The following SNTG1 variants were observed in gnomAD, a reference collection of about 807,000 sequenced individuals.
The protein encoded by SNTG1 is syntrophin gamma 1, also known as gamma-1-syntrophin.
A neutral mutation model predicts 74.7 loss-of-function variants in SNTG1; 39 were observed. That is an observed-to-expected ratio of 0.52 (90% CI 0.40 to 0.68). SNTG1 has a LOEUF of 0.68. Among genes scored for constraint, SNTG1 ranks in the 30% least tolerant of loss-of-function variants. The probability of loss-of-function intolerance (pLI) is 0.00; values close to 1 mark genes in which losing one functional copy is unlikely to be tolerated. For missense variants in SNTG1, 685 were observed against 609.5 expected (o/e 1.12, Z -1.30); for synonymous variants, 254 against 217.1 (o/e 1.17, Z -1.49).
At position 50,193,288 on chromosome 8, in the gene SNTG1, A is replaced by T. The variant is rs573328925; in HGVS notation, c.-28+20653A>T. On this transcript the variant is annotated intron_variant, in intron 2 of 18. Transcript: ENST00000642720. ...GTTTCTACCTATCCATGAGCATGGG[A>T]TGTGTTTCCATTTGTTTGTGTCATC... 3.9e-5 allele frequency among the ~76,000 whole-genome samples: 6 copies of T among 152,200 alleles called. No homozygotes were observed. The East Asian group carries it at 1.2e-3, about 29-fold the overall frequency.
At chr8:50,291,567 T>G (rs1381239999) in intron 2 of SNTG1, among the ~76,000 whole-genome samples, 1 of 152,094 alleles carries the variant, frequency 6.6e-6, no homozygotes, top group African/African-American at 2.4e-5. Flanking sequence ...CAGGGCTAGA[T>G]CGAGGAAGAC....
intron 11 of SNTG1, 109 bp downstream of exon 11, chr8:50,536,917 T>C: frequency 4.5e-6 from 6 of 1,330,886 alleles, no homozygotes; most frequent in Non-Finnish European, 6.1e-6. Flanking sequence ...ATGTTTTTGA[T>C]AGTAGAAAGA....
At chr8:50,512,233 T>G (rs181237174) in intron 9 of SNTG1, among the ~76,000 whole-genome samples, 5 of 152,200 alleles carry the variant, frequency 3.3e-5, no homozygotes, top group East Asian at 3.9e-4. Flanking sequence ...TAAGAATGTT[T>G]AATATTGGCC....
At chr8:50,663,824 A>G (rs2131305345) in intron 15 of SNTG1, among the ~76,000 whole-genome samples, 1 of 152,220 alleles carries the variant, frequency 6.6e-6, no homozygotes, top group Middle Eastern at 3.4e-3. Context: ...CCTACTTCCT[A>G]CATGCAAACT....
chr8:50,195,142 G>C (rs1415786216), intron 2 of SNTG1, among the ~76,000 whole-genome samples: 2 of 152,050 alleles, frequency 1.3e-5, no homozygotes, highest in Non-Finnish European at 2.9e-5. Context: ...ATGCAAGTGA[G>C]GTTCCCATGT....
chr8:50,476,450 A>G (rs903292186), intron 8 of SNTG1, among the ~76,000 whole-genome samples: 4 of 152,142 alleles, frequency 2.6e-5, no homozygotes, highest in Non-Finnish European at 5.9e-5. Context: ...ACTGCTACAC[A>G]TGTACACTGT....
intron 1 of SNTG1, among the ~76,000 whole-genome samples, chr8:50,162,337 C>T (rs1328171714): frequency 6.6e-6 from 1 of 151,952 alleles, no homozygotes; most frequent in Middle Eastern, 3.4e-3. Context: ...TCGAGGCGGG[C>T]GTATCACGAG....
At chr8:50,116,661 C>A (rs2080835521) in intron 1 of SNTG1, among the ~76,000 whole-genome samples, 1 of 152,166 alleles carries the variant, frequency 6.6e-6, no homozygotes. Context: ...ATTTTAAAAC[C>A]TGGCCTATTT....
At chr8:50,724,169 A>T (rs990304223) in intron 17 of SNTG1, among the ~76,000 whole-genome samples, 20 of 152,154 alleles carry the variant, frequency 1.3e-4, no homozygotes, top group Non-Finnish European at 1.9e-4. Flanking sequence ...TCTTAGTTAC[A>T]TTTTTTATAT....
intron 2 of SNTG1, among the ~76,000 whole-genome samples, chr8:50,193,936 T>C (rs2083670419): frequency 1.3e-5 from 2 of 152,164 alleles, no homozygotes; most frequent in Admixed American, 1.3e-4. Context: ...GATCATGTGA[T>C]TTTTGTTTTT....
At chr8:50,713,107 A>T (rs2095466304) in intron 17 of SNTG1, among the ~76,000 whole-genome samples, 2 of 151,938 alleles carry the variant, frequency 1.3e-5, no homozygotes, top group Non-Finnish European at 2.9e-5. Context: ...ACTAATTTAC[A>T]CTCCCCACCA....
At chr8:50,274,551 G>A (rs73678724) in intron 2 of SNTG1, among the ~76,000 whole-genome samples, 7,427 of 151,732 alleles carry the variant, frequency 0.049, 411 homozygotes, top group South Asian at 0.17. Context: ...TCCTTTTCTT[G>A]ACTTATTGCA....
chr8:50,187,248 G>T (rs1159472965), intron 2 of SNTG1, among the ~76,000 whole-genome samples: 2 of 152,076 alleles, frequency 1.3e-5, no homozygotes, highest in African/African-American at 2.4e-5. Flanking sequence ...GAGGCACCCT[G>T]CTACCTGACT....
At chr8:50,507,285 A>T (rs1395267828) in intron 9 of SNTG1, among the ~76,000 whole-genome samples, 1 of 151,910 alleles carries the variant, frequency 6.6e-6, no homozygotes, top group Admixed American at 6.6e-5. Flanking sequence ...ATTGGTTTGT[A>T]GTTTTATTTT....
At chr8:50,387,101 AG>A (rs1342461725) in intron 2 of SNTG1, among the ~76,000 whole-genome samples, 1 of 152,120 alleles carries the variant, frequency 6.6e-6, no homozygotes, top group Non-Finnish European at 1.5e-5. Flanking sequence ...CCAACACCAT[AG>A]GCCTCTCCGA....
intron 2 of SNTG1, among the ~76,000 whole-genome samples, chr8:50,391,811 G>A (rs1046090195): frequency 6.6e-6 from 1 of 152,056 alleles, no homozygotes; most frequent in South Asian, 2.1e-4. Context: ...GTGTGTATGT[G>A]TTGAGTAAAA....
intron 15 of SNTG1, among the ~76,000 whole-genome samples, chr8:50,673,510 T>G (rs1333026569): frequency 6.6e-6 from 1 of 152,182 alleles, no homozygotes; most frequent in African/African-American, 2.4e-5. Flanking sequence ...TGCCTGTGAT[T>G]TTTGCAAATG....
intron 17 of SNTG1, among the ~76,000 whole-genome samples, chr8:50,712,146 G>A (rs1045972724): frequency 6.6e-5 from 10 of 152,140 alleles, no homozygotes; most frequent in Admixed American, 3.9e-4. Flanking sequence ...ACATGGGAGG[G>A]CATACACATC....
chr8:50,674,621 C>A (rs2095301444), intron 15 of SNTG1, among the ~76,000 whole-genome samples: 1 of 151,858 alleles, frequency 6.6e-6, no homozygotes, highest in Non-Finnish European at 1.5e-5. Flanking sequence ...AAACCAGCAC[C>A]TGGATTTATT....
Sources: gnomAD v4.1 joint callset for allele counts (sites outside exome capture counted in the v4.1 genomes callset) on GRCh38, gnomAD v4.1.1 for gene constraint, MANE v1.5 for transcripts, NCBI Gene and HGNC (gene_info 2026-07-23, HGNC 2026-07-21) for gene names.